Variants in EML1 observed in about 807,000 individuals in gnomAD.
The protein encoded by EML1 is echinoderm microtubule-associated protein-like 1.
In EML1, 27 loss-of-function variants were observed where a neutral mutation model predicts 110.4. That is an observed-to-expected ratio of 0.24 (90% confidence interval 0.18 to 0.34). EML1 has a LOEUF of 0.34. Among genes scored for constraint, EML1 ranks in the 10% least tolerant of loss-of-function variants. The pLI, the probability that EML1 is intolerant of heterozygous loss-of-function variation, is 1.00. For synonymous variants in EML1, 344 were observed against 385.8 expected (o/e 0.89, Z 1.27); for missense variants, 741 against 1,030.9 (o/e 0.72, Z 3.85).
intron 20 of EML1, 116 bp downstream of exon 20, chr14:99,938,028 C>T (rs879349086): frequency 7.8e-5 from 83 of 1,057,364 alleles, no homozygotes; most frequent in Middle Eastern, 2.1e-4. Context: ...TCGGCTGCTA[C>T]GGGAGGCCCA....
chr14:99,852,931 G>A (rs567039637), intron 2 of EML1, among the ~76,000 whole-genome samples: 42 of 152,084 alleles, frequency 2.8e-4, no homozygotes, highest in Non-Finnish European at 5.7e-4. Flanking sequence ...AATAGAAACC[G>A]CATTATTTTA....
chr14:99,772,221 G>A (rs1244630397), upstream of EML1, among the ~76,000 whole-genome samples: 37 of 152,232 alleles, frequency 2.4e-4, no homozygotes. Context: ...TGTGACACTT[G>A]TAGAGGGCAG....
chr14:99,838,920 T>TGCGC (rs1422272051), intron 1 of EML1: 1 of 47,612 alleles, frequency 2.1e-5, no homozygotes, highest in South Asian at 8.6e-4. Context: ...CGCGCGCGCG[T>TGCGC]GTGTGTGTGT....
intron 17 of EML1, among the ~76,000 whole-genome samples, chr14:99,934,839 A>C (rs1285154915): frequency 6.6e-6 from 1 of 152,198 alleles, no homozygotes; most frequent in African/African-American, 2.4e-5. Flanking sequence ...TAGCGTGCAC[A>C]GCATGGTTGC....
At chr14:99,740,835 A>T (rs2140158854) in intron 1 of EML1, among the ~76,000 whole-genome samples, 1 of 151,794 alleles carries the variant, frequency 6.6e-6, no homozygotes, top group East Asian at 1.9e-4. Context: ...CCTGGCATAG[A>T]TGGGGCCTCA....
intron 9 of EML1, among the ~76,000 whole-genome samples, chr14:99,903,682 C>T (rs1424424156): frequency 6.6e-6 from 1 of 152,006 alleles, no homozygotes; most frequent in Non-Finnish European, 1.5e-5. Context: ...TTTGACAATG[C>T]TTCCTGTATG....
At chr14:99,845,703 G>C (rs139227491) in intron 1 of EML1, among the ~76,000 whole-genome samples, 36 of 152,300 alleles carry the variant, frequency 2.4e-4, no homozygotes, top group Admixed American at 7.2e-4. Context: ...AAGTGCCATA[G>C]ACACACTTGA....
intron 3 of EML1, among the ~76,000 whole-genome samples, chr14:99,871,195 G>A (rs2059196235): frequency 6.6e-6 from 1 of 152,168 alleles, no homozygotes; most frequent in African/African-American, 2.4e-5. Context: ...TTGACCTCAT[G>A]ATCTGCCCTC....
intron 1 of EML1, among the ~76,000 whole-genome samples, chr14:99,816,888 C>T (rs1354502954): frequency 6.6e-6 from 1 of 152,150 alleles, no homozygotes; most frequent in African/African-American, 2.4e-5. Context: ...TGGCTGTTCT[C>T]CCAGGCTTGA....
intron 8 of EML1, 124 bp downstream of exon 8, chr14:99,898,426 C>A: frequency 1.1e-6 from 1 of 886,340 alleles, no homozygotes; most frequent in South Asian, 2.2e-5. Context: ...ACTTCTGAAC[C>A]CCTCACTAGA....
At chr14:99,806,885 G>T (rs931920578) in intron 1 of EML1, among the ~76,000 whole-genome samples, 2 of 152,168 alleles carry the variant, frequency 1.3e-5, no homozygotes, top group African/African-American at 4.8e-5. Flanking sequence ...GAAATTTCAT[G>T]ACATATGCCT....
intron 1 of EML1, among the ~76,000 whole-genome samples, chr14:99,800,659 A>G (rs1014837136): frequency 6.6e-6 from 1 of 152,210 alleles, no homozygotes; most frequent in Non-Finnish European, 1.5e-5. Flanking sequence ...GCACCCAGCT[A>G]ATTTTTAAGA....
chr14:99,937,362 T>C (rs1466315448), intron 19 of EML1, among the ~76,000 whole-genome samples: 1 of 152,128 alleles, frequency 6.6e-6, no homozygotes, highest in Non-Finnish European at 1.5e-5. Context: ...GAGAGCTCAT[T>C]TGGGGAACAC....
At chr14:99,764,567 A>G (rs969519135) in intron 1 of EML1, among the ~76,000 whole-genome samples, 1 of 152,230 alleles carries the variant, frequency 6.6e-6, no homozygotes, top group African/African-American at 2.4e-5. Context: ...GTACATTCAC[A>G]GTCTAGTGGA....
At chr14:99,829,126 G>A (rs1243137955) in intron 1 of EML1, among the ~76,000 whole-genome samples, 1 of 152,148 alleles carries the variant, frequency 6.6e-6, no homozygotes, top group Non-Finnish European at 1.5e-5. Flanking sequence ...GTTAATGGGG[G>A]GGCCACTGTA....
intron 3 of EML1, 55 bp from the exon 4 acceptor site, chr14:99,878,430 A>G (rs2059329843): frequency 6.5e-7 from 1 of 1,549,470 alleles, no homozygotes; most frequent in African/African-American, 1.4e-5. Context: ...ATGCTTAGCA[A>G]TAAAATAAAG....
At chr14:99,765,831 C>G (rs1443888166) in intron 1 of EML1, among the ~76,000 whole-genome samples, 1 of 151,974 alleles carries the variant, frequency 6.6e-6, no homozygotes. Context: ...TCTTGAACCC[C>G]CTGCCTCAAG....
chr14:99,892,962 A>G (rs1009375980), intron 5 of EML1, among the ~76,000 whole-genome samples: 4 of 149,288 alleles, frequency 2.7e-5, no homozygotes, highest in South Asian at 2.1e-4. Flanking sequence ...AAGAATGTCA[A>G]TCGTTTGGGT....
upstream of EML1, among the ~76,000 whole-genome samples, chr14:99,791,069 C>T (rs2057664897): frequency 6.6e-6 from 1 of 152,078 alleles, no homozygotes; most frequent in African/African-American, 2.4e-5. Flanking sequence ...CCATGTTGCC[C>T]AGGCTGGTCT....
Sources: allele counts gnomAD v4.1 joint callset (sites outside exome capture counted in the v4.1 genomes callset), GRCh38; gene constraint gnomAD v4.1.1; transcripts MANE v1.5; gene names NCBI Gene and HGNC (gene_info 2026-07-23, HGNC 2026-07-21).